The following APBA1 variants were observed in gnomAD, a reference collection of about 807,000 sequenced individuals.
The protein encoded by APBA1 is amyloid beta precursor protein binding family A member 1.
Under a neutral mutation model 86.6 loss-of-function variants are expected in APBA1, and 55 were observed. The ratio of observed to expected loss-of-function variants is 0.64; its 90% CI spans 0.51 to 0.80. The LOEUF is 0.80. APBA1 is among the 30% of genes least tolerant of loss of function. The probability of loss-of-function intolerance (pLI) is 0.00; values close to 1 mark genes in which losing one functional copy is unlikely to be tolerated. For missense variants in APBA1, 1,090 were observed against 1,183.0 expected (o/e 0.92, Z 1.15); for synonymous variants, 511 against 493.9 (o/e 1.03, Z -0.46).
At chr9:69,525,089 A>G (rs1020635069) in intron 1 of APBA1, among the ~76,000 whole-genome samples, 2 of 152,204 alleles carry the variant, frequency 1.3e-5, no homozygotes, top group Non-Finnish European at 2.9e-5. Context: ...CCTCAAAATA[A>G]TAAGAGCCAT....
At chr9:69,466,192 C>G (rs1469384154) in intron 5 of APBA1, among the ~76,000 whole-genome samples, 1 of 152,150 alleles carries the variant, frequency 6.6e-6, no homozygotes, top group Non-Finnish European at 1.5e-5. Flanking sequence ...AGAGGCCCAG[C>G]AGCAGGAGCG....
Position 69,427,861 on chromosome 9 carries a change from T to TAG in APBA1, c.*3465_*3466insCT. On this transcript the variant is annotated 3_prime_UTR_variant, in exon 13 of 13. Transcript: ENST00000265381. ...ACAATACTATACTTCTCCCGACACT[T>TAG]TACAATAAGCTCTATTTCACCCTCT... 6.6e-6 allele frequency: 1 copy of TAG among 152,296 alleles called. No homozygotes were observed. The highest frequency in any genetic ancestry group is 6.5e-5 in the Admixed American group (1 of 15,298). The allele number at this position is 152,296 out of a possible 1,614,324, so 9.4% of individuals were successfully genotyped here.
At chr9:69,537,340 C>T (rs1319969342) in intron 1 of APBA1, among the ~76,000 whole-genome samples, 1 of 152,074 alleles carries the variant, frequency 6.6e-6, no homozygotes, top group African/African-American at 2.4e-5. Flanking sequence ...ACGAATACTT[C>T]ACCTCTGCAC....
At chr9:69,442,423 C>T (rs894956222) in intron 10 of APBA1, among the ~76,000 whole-genome samples, 2 of 152,056 alleles carry the variant, frequency 1.3e-5, no homozygotes, top group Non-Finnish European at 2.9e-5. Flanking sequence ...CCTGGGAAAC[C>T]GCTCAAGTTC....
At position 69,444,589 on chromosome 9, in the gene APBA1, CT is replaced by C. The variant is rs377015188; in HGVS notation, c.2182-3475del. 5.5e-3 allele frequency among the ~76,000 whole-genome samples: 832 copies of C among 152,352 alleles called. 3 individuals are homozygous for C. The highest frequency in any genetic ancestry group is 0.019 in the African/African-American group (792 of 41,584). ...GTCCTAATTTCAATGATTGCACCCC[CT>C]TTAATGTGTTTATTCCTAAATGTCT... On this transcript the variant is annotated intron_variant, in intron 10 of 12. Coordinates refer to ENST00000265381, the MANE Select transcript of APBA1 (RefSeq NM_001163.4).
At chr9:69,644,747 G>C (rs1823357516) in intron 1 of APBA1, among the ~76,000 whole-genome samples, 1 of 152,208 alleles carries the variant, frequency 6.6e-6, no homozygotes, top group Non-Finnish European at 1.5e-5. Flanking sequence ...TGGAAAGCCA[G>C]GGTCCTAATG....
chr9:69,466,884 G>GTC (rs1835288574), intron 5 of APBA1, among the ~76,000 whole-genome samples: 1 of 152,182 alleles, frequency 6.6e-6, no homozygotes, highest in Non-Finnish European at 1.5e-5. Flanking sequence ...GTTGAAACTG[G>GTC]ATAAAACAGA....
intron 9 of APBA1, among the ~76,000 whole-genome samples, chr9:69,450,486 C>A (rs1345244178): frequency 6.6e-6 from 1 of 152,166 alleles, no homozygotes; most frequent in Non-Finnish European, 1.5e-5. Flanking sequence ...AAGCACCCAA[C>A]AGAGTGTGTA....
intron 12 of APBA1, among the ~76,000 whole-genome samples, chr9:69,432,292 G>C (rs191835560): frequency 6.6e-6 from 1 of 152,246 alleles, no homozygotes; most frequent in Non-Finnish European, 1.5e-5. Context: ...AAGAGAAGGT[G>C]AGCACATCAG....
chr9:69,518,216 GTAT>G lies in APBA1; in HGVS notation c.-69-940_-69-938del, dbSNP rs889384033. On this transcript the variant is annotated intron_variant, in intron 1 of 12. Transcript: ENST00000265381. ...TTATATAGCATTTATATTGTATTAGGTATTATGAGAAATCTAGAGATGATTTAC... is the reference window on the plus strand; with the variant it reads ...TTATATAGCATTTATATTGTATTAGGTATGAGAAATCTAGAGATGATTTAC... 4.4e-4 allele frequency among the ~76,000 whole-genome samples: 67 copies of G among 152,228 alleles called. 1 individual carries two copies. The highest frequency in any genetic ancestry group is 1.3e-3 in the African/African-American group (55 of 41,530).
chr9:69,639,033 A>T (rs1232536671), intron 1 of APBA1, among the ~76,000 whole-genome samples: 1 of 152,156 alleles, frequency 6.6e-6, no homozygotes, highest in Non-Finnish European at 1.5e-5. Flanking sequence ...GAATTTATAT[A>T]GGTTTTGATT....
At chr9:69,623,892 T>C (rs1247445847) in intron 1 of APBA1, among the ~76,000 whole-genome samples, 2 of 152,226 alleles carry the variant, frequency 1.3e-5, no homozygotes, top group African/African-American at 4.8e-5. Context: ...CTTTGTGTGT[T>C]GTAATACCTC....
Position 69,565,055 on chromosome 9 carries a change from T to C in APBA1, c.-69-47776A>G, listed in dbSNP as rs1588366738. On this transcript the variant is annotated intron_variant, in intron 1 of 12. Transcript: ENST00000265381. Reference sequence around the variant, plus strand: ...GCACATCTTTCTTTGTTGCTCCTCATATAAGCAAGGGCATAAAGCTAAGAG... The same window carrying C: ...GCACATCTTTCTTTGTTGCTCCTCACATAAGCAAGGGCATAAAGCTAAGAG... 3.3e-5 allele frequency among the ~76,000 whole-genome samples: 5 copies of C among 152,324 alleles called. 1 individual carries two copies. The South Asian group carries it at 1.0e-3, about 32-fold the overall frequency.
At chr9:69,595,358 A>T (rs866857548) in intron 1 of APBA1, among the ~76,000 whole-genome samples, 18 of 152,274 alleles carry the variant, frequency 1.2e-4, no homozygotes, top group Middle Eastern at 6.8e-3. Flanking sequence ...AAGAAAATCC[A>T]CCTAGTTCCC....
At chr9:69,533,630 G>C (rs1836464927) in intron 1 of APBA1, among the ~76,000 whole-genome samples, 1 of 151,726 alleles carries the variant, frequency 6.6e-6, no homozygotes, top group African/African-American at 2.4e-5. Flanking sequence ...TGATGTCTCT[G>C]TTCACAAATT....
chr9:69,471,775 AAAAT>A, intron 3 of APBA1, 80 bp from the exon 4 acceptor site: 1 of 1,147,488 alleles, frequency 8.7e-7, no homozygotes. Context: ...TGCAACATGA[AAAAT>A]AAATACATAA....
At chr9:69,595,116 A>G (rs1339063142) in intron 1 of APBA1, among the ~76,000 whole-genome samples, 1 of 152,186 alleles carries the variant, frequency 6.6e-6, no homozygotes, top group Non-Finnish European at 1.5e-5. Flanking sequence ...CAAGGTGATG[A>G]TACTGGCAAC....
intron 2 of APBA1, among the ~76,000 whole-genome samples, chr9:69,492,528 A>C (rs1168781104): frequency 1.3e-5 from 2 of 152,092 alleles, no homozygotes; most frequent in African/African-American, 2.4e-5. Flanking sequence ...ACATTAATTC[A>C]TAAGCTCCAA....
chr9:69,561,705 C>T (rs555056785), intron 1 of APBA1, among the ~76,000 whole-genome samples: 7 of 151,954 alleles, frequency 4.6e-5, no homozygotes, highest in East Asian at 1.9e-4. Context: ...TCTCGACTCA[C>T]TGCAACTTCC....
Sources: allele counts gnomAD v4.1 joint callset (sites outside exome capture counted in the v4.1 genomes callset), GRCh38; gene constraint gnomAD v4.1.1; transcripts MANE v1.5; gene names NCBI Gene and HGNC (gene_info 2026-07-23, HGNC 2026-07-21).